The following ROBO2 variants were observed in gnomAD, a reference collection of about 807,000 sequenced individuals.
ROBO2 encodes the protein roundabout guidance receptor 2, also known as roundabout homolog 2.
ROBO2 carries 53 observed loss-of-function variants against 160.8 expected under a neutral mutation model. That is an observed-to-expected ratio of 0.33 (90% CI 0.26 to 0.41). The LOEUF (loss-of-function observed/expected upper bound fraction) is 0.41. Ranked by LOEUF, ROBO2 falls within the 10% of genes least tolerant of loss-of-function variation. ROBO2 has a pLI of 1.00. For synonymous variants in ROBO2, 664 were observed against 611.7 expected (o/e 1.09, Z -1.26); for missense variants, 1,577 against 1,722.4 (o/e 0.92, Z 1.49).
chr3:77,085,139 CAA>C (rs10582288), intron 1 of ROBO2, among the ~76,000 whole-genome samples: 6,909 of 152,154 alleles, frequency 0.045, 516 homozygotes, highest in African/African-American at 0.16. Context: ...TAAAATAACT[CAA>C]GTTTGCAATC....
chr3:77,491,436 G>A (rs1306107045), intron 4 of ROBO2, among the ~76,000 whole-genome samples: 2 of 152,086 alleles, frequency 1.3e-5, no homozygotes, highest in East Asian at 1.9e-4. Flanking sequence ...AGTCGATCCC[G>A]CTTCCTATGT....
Position 76,190,105 on chromosome 3 carries a change from C to G in ROBO2, c.109+252503C>G, listed in dbSNP as rs931495308. ...AGCCATGCCTCCATGCCTCTGCTAG[C>G]TTTCAACTATGCTGATGATCGGCTT... is the stretch of plus-strand genomic sequence containing the variant. On this transcript the variant is annotated intron_variant, in intron 2 of 26. Coordinates refer to the ROBO2 transcript ENST00000487694. 2.6e-5 allele frequency among the ~76,000 whole-genome samples: 4 copies of G among 152,112 alleles called. No homozygotes were observed. In the East Asian group the frequency reaches 7.7e-4, roughly 29 times the overall value.
intron 2 of ROBO2, among the ~76,000 whole-genome samples, chr3:77,135,016 C>T (rs1269275170): frequency 6.6e-6 from 1 of 152,136 alleles, no homozygotes; most frequent in East Asian, 1.9e-4. Context: ...AGAGAGATGA[C>T]GCCGTGTCAT....
intron 2 of ROBO2, among the ~76,000 whole-genome samples, chr3:77,186,536 A>G (rs1296833386): frequency 6.6e-6 from 1 of 151,812 alleles, no homozygotes; most frequent in Non-Finnish European, 1.5e-5. Context: ...ACTTTAGTCA[A>G]ATGCAAAAGA....
intron 2 of ROBO2, among the ~76,000 whole-genome samples, chr3:75,980,913 A>AAATG (rs34243304): frequency 6.6e-6 from 1 of 150,850 alleles, no homozygotes; most frequent in Non-Finnish European, 1.5e-5. Flanking sequence ...ATGTTAAAAT[A>AAATG]AATATTTACA....
At chr3:77,502,477 T>C (rs2087760537) in intron 5 of ROBO2, among the ~76,000 whole-genome samples, 2 of 152,168 alleles carry the variant, frequency 1.3e-5, no homozygotes, top group Non-Finnish European at 2.9e-5. Context: ...TTTTTTCTCA[T>C]GGAATGTTTT....
chr3:75,924,681 C>CTTTTTTT (rs60599175), intron 1 of ROBO2, among the ~76,000 whole-genome samples: 7,046 of 65,894 alleles, frequency 0.11, 351 homozygotes, highest in Non-Finnish European at 0.13. Flanking sequence ...ATTTTCTTTT[C>CTTTTTTT]TTTTTTTTTT....
chr3:76,919,582 T>G (rs2148982254), intron 2 of ROBO2, among the ~76,000 whole-genome samples: 1 of 152,320 alleles, frequency 6.6e-6, no homozygotes, highest in Non-Finnish European at 1.5e-5. Context: ...TCATGATCGG[T>G]ATATAATTCA....
chr3:76,422,814 G>C (rs2076048874), intron 2 of ROBO2, among the ~76,000 whole-genome samples: 1 of 152,146 alleles, frequency 6.6e-6, no homozygotes, highest in African/African-American at 2.4e-5. Flanking sequence ...CACAAAGTTA[G>C]TCCACTCATC....
chr3:77,366,043 T>G (rs2070820310), intron 2 of ROBO2, among the ~76,000 whole-genome samples: 1 of 152,194 alleles, frequency 6.6e-6, no homozygotes, highest in African/African-American at 2.4e-5. Context: ...GTCCTAATGA[T>G]TATATTCTCC....
Position 76,662,860 on chromosome 3 carries a change from A to G in ROBO2, c.110-435154A>G, listed in dbSNP as rs550419858. The stretch of plus-strand genomic sequence containing the variant: ...AAACTGATATGAGCATAGACAGGTC[A>G]GTGAGAAAGGACATGGAGTGTCCTT... On this transcript the variant is annotated intron_variant, in intron 2 of 26. Coordinates refer to the ROBO2 transcript ENST00000487694. Among the ~76,000 whole-genome samples, 10 of 152,314 alleles carry G rather than the reference A, an allele frequency of 6.6e-5. No homozygotes were observed. The South Asian group carries it at 2.1e-3, about 32-fold the overall frequency.
chr3:76,736,038 C>T (rs2093705467), intron 2 of ROBO2, among the ~76,000 whole-genome samples: 1 of 151,842 alleles, frequency 6.6e-6, no homozygotes, highest in Non-Finnish European at 1.5e-5. Flanking sequence ...AATCCCAGCA[C>T]TTTGGGAGGC....
intron 2 of ROBO2, among the ~76,000 whole-genome samples, chr3:76,206,325 T>A (rs1370248300): frequency 1.3e-5 from 2 of 152,212 alleles, no homozygotes; most frequent in Non-Finnish European, 2.9e-5. Context: ...ACTTAATTAA[T>A]ATCAATTTCT....
intron 5 of ROBO2, among the ~76,000 whole-genome samples, chr3:77,505,529 T>G (rs1275893345): frequency 1.3e-5 from 2 of 152,144 alleles, no homozygotes; most frequent in Non-Finnish European, 2.9e-5. Flanking sequence ...GAATCCAAGG[T>G]AGAATTGATT....
In ROBO2 at chr3:77,149,059, A is replaced by G. The variant is rs577818914; in HGVS notation, c.388+50719A>G. Among the ~76,000 whole-genome samples, 124 of 141,236 alleles carry G rather than the reference A, an allele frequency of 8.8e-4. 4 individuals are homozygous for G. In the South Asian group the frequency reaches 0.027, roughly 30 times the overall value. The allele number at this position is 141,236 out of a possible 152,430, so 92.7% of individuals were successfully genotyped here. The stretch of plus-strand genomic sequence containing the variant: ...ATTTTTTTTTTTTTTTTTTTTTGAG[A>G]CAGTCTCGCACTGTCACCCAGGCTG... On this transcript the variant is annotated intron_variant, in intron 2 of 25. Coordinates refer to ENST00000461745, the Ensembl canonical transcript of ROBO2.
At chr3:77,365,150 GAAAA>G (rs142131118) in intron 2 of ROBO2, among the ~76,000 whole-genome samples, 4 of 134,342 alleles carry the variant, frequency 3.0e-5, no homozygotes, top group Non-Finnish European at 4.7e-5. Context: ...TCCATCTCAG[GAAAA>G]AAAAAAAAAA....
intron 2 of ROBO2, among the ~76,000 whole-genome samples, chr3:76,929,771 G>T (rs1309101389): frequency 1.3e-5 from 2 of 151,884 alleles, no homozygotes; most frequent in African/African-American, 4.8e-5. Context: ...TCTCAGGGAA[G>T]AAGAGACTCC....
rs115078813 is a variant in ROBO2, at chr3:77,643,585, G to A, written c.3935-1119G>A. On this transcript the variant is annotated intron_variant, in intron 24 of 25. Transcript: ENST00000461745. Reference sequence around the variant, plus strand: ...ATTTTTTTGGGGGGAGAGGTGTGGCGCGGGAGGTGGGGAGCCTGCTTTATA... The same window carrying A: ...ATTTTTTTGGGGGGAGAGGTGTGGCACGGGAGGTGGGGAGCCTGCTTTATA... Among the ~76,000 whole-genome samples, 899 of 152,180 alleles carry A rather than the reference G, an allele frequency of 5.9e-3. 5 individuals carry two copies. The highest frequency in any genetic ancestry group is 0.021 in the African/African-American group (853 of 41,500).
At chr3:77,372,690 G>A (rs1189346091) in intron 2 of ROBO2, among the ~76,000 whole-genome samples, 2 of 151,994 alleles carry the variant, frequency 1.3e-5, no homozygotes, top group Non-Finnish European at 2.9e-5. Flanking sequence ...ATTCTTTCTC[G>A]GTACAGGGAA....
Sources: gnomAD v4.1 joint callset for allele counts (sites outside exome capture counted in the v4.1 genomes callset) on GRCh38, gnomAD v4.1.1 for gene constraint, MANE v1.5 for transcripts, NCBI Gene and HGNC (gene_info 2026-07-23, HGNC 2026-07-21) for gene names.